Variants in DHRS7B observed in about 807,000 individuals in gnomAD.
DHRS7B encodes dehydrogenase/reductase 7B, also known as peroxisomal reductase activating PPAR-gamma.
A neutral mutation model predicts 26.4 loss-of-function variants in DHRS7B; 24 were observed. The observed-to-expected ratio is 0.91, with a 90% CI of 0.66 to 1.28. The LOEUF (loss-of-function observed/expected upper bound fraction) is 1.28, where lower values mean the gene tolerates loss of function less well. DHRS7B is among the 50% of genes most tolerant of loss of function. DHRS7B has a pLI of 0.00. For synonymous variants in DHRS7B, 142 were observed against 166.4 expected, an observed-to-expected ratio of 0.85 and a Z score of 1.13; for missense variants, 368 against 419.4, an observed-to-expected ratio of 0.88 and a Z score of 1.07.
At chr17:21,183,173 TA>T (rs1327412480) in intron 3 of DHRS7B, among the ~76,000 whole-genome samples, 2 of 152,162 alleles carry the variant, frequency 1.3e-5, no homozygotes, top group Non-Finnish European at 2.9e-5. Context: ...TGTTGGCAAA[TA>T]ATTGTTCATA....
At chr17:21,138,208 C>CTTCTTTTT in intron 1 of DHRS7B, among the ~76,000 whole-genome samples, 1 of 104,946 alleles carries the variant, frequency 9.5e-6, no homozygotes, top group Non-Finnish European at 1.9e-5. Flanking sequence ...TCCATCCCTC[C>CTTCTTTTT]TTCTTTTTTT....
At chr17:21,133,331 C>A (rs569592586) in intron 1 of DHRS7B, among the ~76,000 whole-genome samples, 1 of 152,266 alleles carries the variant, frequency 6.6e-6, no homozygotes, top group South Asian at 2.1e-4. Context: ...TGATTTTATA[C>A]ATTTTAGGGA....
intron 1 of DHRS7B, among the ~76,000 whole-genome samples, chr17:21,167,445 C>T (rs564692004): frequency 1.3e-5 from 2 of 152,320 alleles, no homozygotes; most frequent in East Asian, 3.9e-4. Context: ...CTCTCCCTTC[C>T]TCACGCCAGT....
At chr17:21,138,109 C>T (rs1482945959) in intron 1 of DHRS7B, among the ~76,000 whole-genome samples, 29 of 137,902 alleles carry the variant, frequency 2.1e-4, no homozygotes, top group African/African-American at 8.1e-4. Context: ...TATACACACA[C>T]ACACACACAC....
rs529228775 is a variant in DHRS7B, at chr17:21,183,890, C to T, written c.526+80C>T. The stretch of plus-strand genomic sequence containing the variant: ...TTCACTTGGATCCTTTTCAGCTAAA[C>T]GTTCCCCATCTCCATCCTCTCTGTT... On this transcript the variant is annotated intron_variant, in intron 4 of 6. Coordinates refer to ENST00000395511, the MANE Select transcript of DHRS7B (RefSeq NM_015510.5). 1.5e-5 allele frequency: 18 copies of T among 1,228,000 alleles called. No individual in the cohort carries two copies. In the Admixed American group the frequency reaches 1.9e-4, roughly 13 times the overall value. The allele number at this position is 1,228,000 out of a possible 1,614,324, so 76.1% of individuals were successfully genotyped here.
chr17:21,135,391 A>C (rs1567615150), intron 1 of DHRS7B, among the ~76,000 whole-genome samples: 1 of 152,330 alleles, frequency 6.6e-6, no homozygotes, highest in East Asian at 1.9e-4. Flanking sequence ...TTAGGTCAGA[A>C]AAAGACATAA....
rs777571423 is a variant in DHRS7B at position 21,183,596 on chromosome 17, G to A, written c.312G>A (p.Val104=). Residue 104 remains valine, a splice_region_variant and synonymous_variant, in exon 4 of 7, where the codon GTG becomes GTA. Coordinates refer to ENST00000395511, the MANE Select transcript of DHRS7B (RefSeq NM_015510.5). ...TTGTATCTGTTGTATTTGACCAGGT[G>A]CAGACACACAAGCCTTACTTGGTGA... is the stretch of plus-strand genomic sequence containing the variant. ...RELTASHATK[V]QTHKPYLVTF... 1.2e-5 allele frequency: 19 copies of A among 1,612,654 alleles called. No homozygotes were observed. Among genetic ancestry groups the A allele is most frequent in the Non-Finnish European group, 1.5e-5 (18 of 1,180,006 alleles).
At position 21,178,216 on chromosome 17, in the gene DHRS7B, C is replaced by G. The variant is rs768598719; in HGVS notation, c.200-17C>G. The G allele has an allele frequency of 2.5e-6, 4 of 1,612,502 alleles. No individual in the cohort carries two copies. The South Asian group carries it at 4.4e-5, about 18-fold the overall frequency. The stretch of plus-strand genomic sequence containing the variant: ...CTGAGGAAGAATGGCTGTCAAGGCT[C>G]TTTTCTCTTCCCTTAGAATGTGCAA... On this transcript the variant is annotated splice_polypyrimidine_tract_variant and intron_variant, in intron 2 of 6. Transcript: ENST00000395511.
chr17:21,187,551 G>A (rs976484734), intron 5 of DHRS7B, among the ~76,000 whole-genome samples: 12 of 150,868 alleles, frequency 8.0e-5, no homozygotes, highest in Non-Finnish European at 1.2e-4. Flanking sequence ...GTGTGAACCC[G>A]GGAGGCGGAG....
chr17:21,136,504 C>T (rs1464323805), intron 1 of DHRS7B, among the ~76,000 whole-genome samples: 1 of 151,806 alleles, frequency 6.6e-6, no homozygotes, highest in African/African-American at 2.4e-5. Flanking sequence ...GAATGAAACT[C>T]CGTCTCAAAA....
rs370726179 is a variant in DHRS7B, at chr17:21,131,528, G to A, written c.20+4537G>A. On this transcript the variant is annotated intron_variant, in intron 1 of 6. Coordinates refer to ENST00000395511, the MANE Select transcript of DHRS7B (RefSeq NM_015510.5). ...ATTTTCCATTTGGTGGGTTTTGGCC[G>A]GCTTCTTTACCTCAGCCTGCTTTAT... Among the ~76,000 whole-genome samples the A allele has an allele frequency of 1.6e-3, 249 of 152,240 alleles. 2 individuals are homozygous for A. Among genetic ancestry groups the A allele is most frequent in the African/African-American group, 5.8e-3 (242 of 41,538 alleles).
intron 3 of DHRS7B, among the ~76,000 whole-genome samples, chr17:21,179,080 G>A (rs1224502754): frequency 6.6e-6 from 1 of 152,122 alleles, no homozygotes; most frequent in Non-Finnish European, 1.5e-5. Flanking sequence ...GAGTAGCTAG[G>A]ACTATAGGCA....
chr17:21,189,206 G>A (rs1469187017), intron 6 of DHRS7B, among the ~76,000 whole-genome samples: 2 of 152,140 alleles, frequency 1.3e-5, no homozygotes, highest in Non-Finnish European at 2.9e-5. Context: ...TATCGGCATC[G>A]GGATTGAGTG....
intron 3 of DHRS7B, among the ~76,000 whole-genome samples, chr17:21,182,412 C>T (rs1873521078): frequency 1.3e-5 from 2 of 152,136 alleles, no homozygotes; most frequent in Non-Finnish European, 2.9e-5. Context: ...CCATGCCCAG[C>T]TAGTTTTGTA....
At chr17:21,181,306 G>A (rs888645287) in intron 3 of DHRS7B, among the ~76,000 whole-genome samples, 11 of 152,190 alleles carry the variant, frequency 7.2e-5, no homozygotes, top group African/African-American at 1.2e-4. Context: ...GGCTGATCTC[G>A]AACTCCAGGC....
At chr17:21,170,661 A>C (rs1341875196) in intron 1 of DHRS7B, among the ~76,000 whole-genome samples, 1 of 152,202 alleles carries the variant, frequency 6.6e-6, no homozygotes, top group Non-Finnish European at 1.5e-5. Context: ...GTAAATGCTA[A>C]TCTAGTTCAG....
At chr17:21,166,200 T>C in intron 1 of DHRS7B, 2 of 985,476 alleles carry the variant, frequency 2.0e-6, no homozygotes, top group Non-Finnish European at 2.4e-6. Context: ...TCAATGTGGC[T>C]GCTCTTCCCA....
intron 3 of DHRS7B, among the ~76,000 whole-genome samples, chr17:21,179,982 TCTCTAA>T (rs1223130404): frequency 1.3e-5 from 2 of 151,260 alleles, no homozygotes; most frequent in Non-Finnish European, 2.9e-5. Flanking sequence ...GTCAGGCTGG[TCTCTAA>T]CTCCCGACCT....
rs561183650 is a variant in DHRS7B at position 21,172,495 on chromosome 17, A to C, written c.199+299A>C. 21 of 504,480 alleles carry C rather than the reference A, an allele frequency of 4.2e-5. No homozygotes were observed. In the Admixed American group the frequency reaches 7.1e-4, roughly 17 times the overall value. 31.3% of individuals were successfully genotyped at this position (504,480 alleles called of 1,614,324 possible). On this transcript the variant is annotated intron_variant, in intron 2 of 6. Coordinates refer to ENST00000395511, the MANE Select transcript of DHRS7B (RefSeq NM_015510.5). ...TGCCCCTCACAGGGCAGCCCTGCTC[A>C]GCCTCAGTTGCTTGCTGAGGTAGGA...
Sources: allele counts gnomAD v4.1 joint callset (sites outside exome capture counted in the v4.1 genomes callset), GRCh38; gene constraint gnomAD v4.1.1; transcripts MANE v1.5; gene names NCBI Gene and HGNC (gene_info 2026-07-23, HGNC 2026-07-21).